PCDH9: variants seen among roughly 807,000 people sequenced by gnomAD.
PCDH9 encodes protocadherin 9.
In PCDH9, 24 loss-of-function variants were observed where a neutral mutation model predicts 70.6. The observed-to-expected ratio is 0.34, with a 90% CI of 0.25 to 0.48. PCDH9 has a LOEUF of 0.48. Ranked by LOEUF, PCDH9 falls within the 20% of genes least tolerant of loss-of-function variation. PCDH9 has a pLI of 0.99. For missense variants in PCDH9, 1,281 were observed against 1,503.6 expected (o/e 0.85, Z 2.45); for synonymous variants, 562 against 558.5 (o/e 1.01, Z -0.09).
intron 3 of PCDH9, among the ~76,000 whole-genome samples, chr13:66,645,470 T>C (rs1054868253): frequency 4.6e-5 from 7 of 152,136 alleles, no homozygotes; most frequent in African/African-American, 1.7e-4. Flanking sequence ...CCAAACTGCA[T>C]GCGAGAGACA....
chr13:67,033,213 A>T (rs1418215832), intron 2 of PCDH9, among the ~76,000 whole-genome samples: 2 of 152,228 alleles, frequency 1.3e-5, no homozygotes, highest in Middle Eastern at 6.8e-3. Flanking sequence ...TTTTTATTGA[A>T]TATTAAAACA....
At chr13:66,765,830 T>A (rs2079706795) in intron 3 of PCDH9, among the ~76,000 whole-genome samples, 1 of 152,162 alleles carries the variant, frequency 6.6e-6, no homozygotes, top group Non-Finnish European at 1.5e-5. Flanking sequence ...TACAAAGGAT[T>A]GTGCAGTTTG....
At chr13:66,900,653 A>C (rs1170943882) in intron 3 of PCDH9, among the ~76,000 whole-genome samples, 1 of 151,798 alleles carries the variant, frequency 6.6e-6, no homozygotes, top group Non-Finnish European at 1.5e-5. Context: ...TAATAATTAA[A>C]AGCTTGCTGG....
chr13:66,943,265 C>T (rs2083034946), intron 2 of PCDH9, among the ~76,000 whole-genome samples: 2 of 152,098 alleles, frequency 1.3e-5, no homozygotes, highest in South Asian at 4.1e-4. Flanking sequence ...TTCACTCTAT[C>T]ATTTTTCTAT....
chr13:66,537,544 T>G (rs537328079), intron 4 of PCDH9, among the ~76,000 whole-genome samples: 10 of 152,140 alleles, frequency 6.6e-5, no homozygotes, highest in African/African-American at 2.4e-4. Flanking sequence ...AGAATTTGCT[T>G]TGCACATTTG....
chr13:66,819,973 G>A (rs1303201925), intron 3 of PCDH9, among the ~76,000 whole-genome samples: 1 of 152,042 alleles, frequency 6.6e-6, no homozygotes, highest in Non-Finnish European at 1.5e-5. Flanking sequence ...TAACCATGAT[G>A]TTCAATAGAA....
intron 2 of PCDH9, among the ~76,000 whole-genome samples, chr13:67,105,588 G>C (rs955774816): frequency 9.9e-5 from 15 of 152,040 alleles, no homozygotes; most frequent in Non-Finnish European, 1.5e-4. Context: ...TGATTTTTAT[G>C]AGTGATAGGA....
chr13:66,689,383 G>A (rs572971210), intron 3 of PCDH9, among the ~76,000 whole-genome samples: 69 of 152,110 alleles, frequency 4.5e-4, no homozygotes, highest in Non-Finnish European at 8.1e-4. Context: ...AAATTACAGC[G>A]TTGGCGGTGG....
chr13:66,489,079 G>T (rs541999204), intron 4 of PCDH9, among the ~76,000 whole-genome samples: 26 of 152,164 alleles, frequency 1.7e-4, no homozygotes, highest in Non-Finnish European at 3.7e-4. Context: ...AACTTGCAAA[G>T]TTTTCAATCT....
At chr13:67,006,918 C>A (rs1388084732) in intron 2 of PCDH9, among the ~76,000 whole-genome samples, 4 of 152,042 alleles carry the variant, frequency 2.6e-5, no homozygotes, top group Non-Finnish European at 5.9e-5. Flanking sequence ...ACATAGAATT[C>A]CATTTTAAAG....
chr13:66,581,697 T>G (rs961348921), intron 4 of PCDH9, among the ~76,000 whole-genome samples: 2 of 152,142 alleles, frequency 1.3e-5, no homozygotes, highest in Non-Finnish European at 2.9e-5. Context: ...TTGAATTATA[T>G]CCATGTGTGC....
At chr13:66,783,577 A>G (rs916712727) in intron 3 of PCDH9, among the ~76,000 whole-genome samples, 2 of 152,232 alleles carry the variant, frequency 1.3e-5, no homozygotes, top group Admixed American at 1.3e-4. Context: ...ACTGATGTTT[A>G]TAAAAAATAT....
intron 4 of PCDH9, among the ~76,000 whole-genome samples, chr13:66,512,288 A>T (rs1430529158): frequency 6.7e-6 from 1 of 149,718 alleles, no homozygotes; most frequent in East Asian, 1.9e-4. Context: ...GGAATTATAT[A>T]TATATATATA....
chr13:66,821,159 A>G (rs1293653753), intron 3 of PCDH9, among the ~76,000 whole-genome samples: 1 of 152,192 alleles, frequency 6.6e-6, no homozygotes, highest in Non-Finnish European at 1.5e-5. Flanking sequence ...TCTATTATAC[A>G]GTTATAAGTT....
Position 67,228,207 on chromosome 13 carries a change from A to T in PCDH9, c.234T>A (p.Val78=), listed in dbSNP as rs8000556. 1,243,880 of 1,612,182 alleles carry T rather than the reference A, an allele frequency of 0.77. 482,616 individuals carry two copies. The highest frequency in any genetic ancestry group is 0.85 in the Middle Eastern group (5,120 of 6,042). The part of the protein sequence containing the change: ...SKAGDAPLVK[V]SSSTGEIFTT... ...TGAAAATTTCCCCAGTGCTGCTGGA[A>T]ACTTTCACCAAAGGGGCATCCCCAG... The change falls in exon 2 of 5, where the codon GTT becomes GTA. Residue 78 remains valine (V), a synonymous_variant. Coordinates refer to ENST00000377865, the MANE Select transcript of PCDH9 (RefSeq NM_203487.3).
At chr13:66,660,421 A>G (rs2077993232) in intron 3 of PCDH9, among the ~76,000 whole-genome samples, 1 of 152,150 alleles carries the variant, frequency 6.6e-6, no homozygotes, top group African/African-American at 2.4e-5. Context: ...AGGAAGAAGT[A>G]TGTTCAGCAA....
At chr13:66,332,983 T>C (rs1955970517) in intron 4 of PCDH9, among the ~76,000 whole-genome samples, 1 of 152,098 alleles carries the variant, frequency 6.6e-6, no homozygotes, top group African/African-American at 2.4e-5. Flanking sequence ...AGGCATTATT[T>C]GCTCTCTTAC....
chr13:66,700,754 G>A (rs941467035), intron 3 of PCDH9, among the ~76,000 whole-genome samples: 1 of 151,608 alleles, frequency 6.6e-6, no homozygotes, highest in Non-Finnish European at 1.5e-5. Context: ...CAACAACGAA[G>A]ACGTTTTCTT....
chr13:66,957,815 A>G (rs2083287266), intron 2 of PCDH9, among the ~76,000 whole-genome samples: 1 of 152,196 alleles, frequency 6.6e-6, no homozygotes, highest in East Asian at 1.9e-4. Context: ...CAGTTTCCAG[A>G]AATATGAGAA....
Sources: allele counts gnomAD v4.1 joint callset (sites outside exome capture counted in the v4.1 genomes callset), GRCh38; gene constraint gnomAD v4.1.1; transcripts MANE v1.5; gene names NCBI Gene and HGNC (gene_info 2026-07-23, HGNC 2026-07-21).